The following PPP1R16B variants were observed in gnomAD, a reference collection of about 807,000 sequenced individuals.
PPP1R16B encodes protein phosphatase 1 regulatory subunit 16B.
Under a neutral mutation model 61.7 loss-of-function variants are expected in PPP1R16B, and 14 were observed. The ratio of observed to expected loss-of-function variants is 0.23; its 90% CI spans 0.15 to 0.35. PPP1R16B has a LOEUF of 0.35. Among genes scored for constraint, PPP1R16B ranks in the 10% least tolerant of loss-of-function variants. PPP1R16B has a pLI of 1.00. For missense variants in PPP1R16B, 547 were observed against 752.5 expected (o/e 0.73, Z 3.19); for synonymous variants, 266 against 305.3 (o/e 0.87, Z 1.34).
intron 4 of PPP1R16B, among the ~76,000 whole-genome samples, chr20:38,897,250 C>T (rs1264118219): frequency 6.6e-6 from 1 of 152,182 alleles, no homozygotes; most frequent in Non-Finnish European, 1.5e-5. Context: ...TCGCTCGAAC[C>T]CAGGAGACTG....
At chr20:38,869,111 G>A (rs963976639) in intron 2 of PPP1R16B, among the ~76,000 whole-genome samples, 5 of 150,768 alleles carry the variant, frequency 3.3e-5, no homozygotes, top group African/African-American at 7.3e-5. Context: ...TTTCCTTTTT[G>A]TCTTTTTTTT....
At chr20:38,895,789 C>CCTCCTTCCTTCTTTCTTCCCTCCCTT in intron 4 of PPP1R16B, 79 bp downstream of exon 4, 1 of 838,760 alleles carries the variant, frequency 1.2e-6, no homozygotes. Context: ...TCTCCTCCCT[C>CCTCCTTCCTTCTTTCTTCCCTCCCTT]CCTCCTTCCT....
intron 2 of PPP1R16B, among the ~76,000 whole-genome samples, chr20:38,863,419 G>T (rs558106596): frequency 4.1e-4 from 63 of 152,320 alleles, no homozygotes; most frequent in African/African-American, 1.4e-3. Context: ...CACTCCACTA[G>T]GCCAAAGTGA....
At chr20:38,869,525 C>T in intron 2 of PPP1R16B, among the ~76,000 whole-genome samples, 1 of 152,184 alleles carries the variant, frequency 6.6e-6, no homozygotes, top group Admixed American at 6.5e-5. Flanking sequence ...TTTATATCCT[C>T]ACCAGCAGTG....
intron 2 of PPP1R16B, among the ~76,000 whole-genome samples, chr20:38,863,155 C>A (rs1209638418): frequency 6.6e-6 from 1 of 152,146 alleles, no homozygotes. Context: ...AGCCTGCCTC[C>A]CTGGATGCAA....
chr20:38,908,224 A>T (rs752323046), intron 10 of PPP1R16B, 31 bp downstream of exon 10: 3 of 1,612,308 alleles, frequency 1.9e-6, no homozygotes, highest in Non-Finnish European at 2.5e-6. Flanking sequence ...CCCTAGTGTC[A>T]GCCACTGCAA....
intron 2 of PPP1R16B, among the ~76,000 whole-genome samples, chr20:38,859,045 C>T (rs748479023): frequency 1.2e-4 from 18 of 152,234 alleles, no homozygotes; most frequent in Non-Finnish European, 1.9e-4. Flanking sequence ...TCCAGGAAGC[C>T]GCCAGTTTCT....
chr20:38,849,687 A>AC (rs1035127993), intron 2 of PPP1R16B, among the ~76,000 whole-genome samples: 61 of 145,216 alleles, frequency 4.2e-4, no homozygotes, highest in Admixed American at 2.1e-3. Flanking sequence ...AACAACAACA[A>AC]AAAAAAAACA....
At chr20:38,819,012 G>A (rs904547684) in intron 1 of PPP1R16B, among the ~76,000 whole-genome samples, 1 of 152,090 alleles carries the variant, frequency 6.6e-6, no homozygotes, top group Non-Finnish European at 1.5e-5. Context: ...CTGGGCTCAA[G>A]CCATCCTTCC....
At chr20:38,872,260 C>G (rs2145745713) in intron 2 of PPP1R16B, among the ~76,000 whole-genome samples, 1 of 152,250 alleles carries the variant, frequency 6.6e-6, no homozygotes, top group African/African-American at 2.4e-5. Flanking sequence ...GGCAGAGACT[C>G]TGCTTGGAGG....
chr20:38,808,598 T>A (rs916186339), intron 1 of PPP1R16B, among the ~76,000 whole-genome samples: 2 of 126,686 alleles, frequency 1.6e-5, no homozygotes, highest in Non-Finnish European at 3.3e-5. Context: ...TAATTAGGGA[T>A]CTATACCTAA....
rs988641247 is a variant in PPP1R16B at position 38,806,230 on chromosome 20, G to T, written c.-102+438G>T. On this transcript the variant is annotated intron_variant, in intron 1 of 10. Coordinates refer to ENST00000299824, the MANE Select transcript of PPP1R16B (RefSeq NM_015568.4). The surrounding 1 kb of genome is among the most constrained non-coding windows in gnomAD (Gnocchi z 4.5). ...CCCCCCCGCGCACTCTCCCGGCCGG[G>T]CATGGTGGTGCCGCCCCCTCGCGTG... Among the ~76,000 whole-genome samples the T allele has an allele frequency of 1.3e-4, 20 of 152,212 alleles. No homozygotes were observed. Among genetic ancestry groups the T allele is most frequent in the Non-Finnish European group, 2.1e-4 (14 of 67,968 alleles).
chr20:38,868,137 G>C (rs1489366625), intron 2 of PPP1R16B, among the ~76,000 whole-genome samples: 1 of 152,082 alleles, frequency 6.6e-6, no homozygotes, highest in Non-Finnish European at 1.5e-5. Flanking sequence ...TCTTGTTACT[G>C]TGCATCACTG....
intron 3 of PPP1R16B, among the ~76,000 whole-genome samples, chr20:38,893,523 TAGG>T (rs2085307162): frequency 6.6e-6 from 1 of 151,048 alleles, no homozygotes. Context: ...GACAGCGATT[TAGG>T]AGATGTGCAA....
At chr20:38,826,539 T>A (rs1297871560) in intron 1 of PPP1R16B, among the ~76,000 whole-genome samples, 1 of 152,122 alleles carries the variant, frequency 6.6e-6, no homozygotes, top group Non-Finnish European at 1.5e-5. Flanking sequence ...CTGTTTGAGC[T>A]GTGGCCTCCT....
At chr20:38,805,975 G>C (rs1309100273) in intron 1 of PPP1R16B, among the ~76,000 whole-genome samples, 183 bp downstream of exon 1, 1 of 152,064 alleles carries the variant, frequency 6.6e-6, no homozygotes, top group African/African-American at 2.4e-5. Context: ...GACGGGTACC[G>C]AGAGCGCTAG....
At chr20:38,841,353 GAAAAAAAAAAAAAAAA>G (rs34203271) in intron 2 of PPP1R16B, among the ~76,000 whole-genome samples, 3 of 42,584 alleles carry the variant, frequency 7.0e-5, no homozygotes, top group African/African-American at 2.4e-4. Context: ...TGTCTGTACT[GAAAAAAAAAAAAAAAA>G]AAAAAAAAAA....
intron 10 of PPP1R16B, among the ~76,000 whole-genome samples, chr20:38,911,083 T>G (rs2085485087): frequency 2.0e-5 from 3 of 151,958 alleles, no homozygotes; most frequent in African/African-American, 7.2e-5. Flanking sequence ...TGGGCTCAAA[T>G]GATCCTCTTG....
Position 38,907,123 on chromosome 20 carries a change from A to C in PPP1R16B, c.898+69A>C, listed in dbSNP as rs1467602156. On this transcript the variant is annotated intron_variant, in intron 8 of 10. Coordinates refer to ENST00000299824, the MANE Select transcript of PPP1R16B (RefSeq NM_015568.4). The surrounding 1 kb of genome is among the most constrained non-coding windows in gnomAD (Gnocchi z 4.5). The stretch of plus-strand genomic sequence containing the variant: ...CAATGTTTTGATGGGTAGAGGGAGA[A>C]ATAGATAAATATATGGTTGTATAGA... 8.2e-7 allele frequency: 1 copy of C among 1,213,060 alleles called. No individual in the cohort carries two copies. The highest frequency in any genetic ancestry group is 1.7e-5 in the Admixed American group (1 of 58,970). The allele number at this position is 1,213,060 out of a possible 1,614,324, so 75.1% of individuals were successfully genotyped here. A position where few individuals can be genotyped will look rare whatever the true frequency, so the allele number is the denominator to read the frequency against.
Sources: gnomAD v4.1 joint callset for allele counts (sites outside exome capture counted in the v4.1 genomes callset) on GRCh38, gnomAD v4.1.1 for gene constraint, Gnocchi (gnomAD v3.1) non-coding constraint, MANE v1.5 for transcripts, NCBI Gene and HGNC (gene_info 2026-07-23, HGNC 2026-07-21) for gene names.